Variants in CAB39L observed in about 807,000 individuals in gnomAD.
CAB39L encodes the protein calcium binding protein 39 like.
Under a neutral mutation model 39.1 loss-of-function variants are expected in CAB39L, and 23 were observed. The observed-to-expected ratio is 0.59, with a 90% CI of 0.42 to 0.83. CAB39L has a LOEUF of 0.83. Ranked by LOEUF, CAB39L falls within the 40% of genes least tolerant of loss-of-function variation. The probability of loss-of-function intolerance (pLI) is 0.00; values close to 1 mark genes in which losing one functional copy is unlikely to be tolerated. For missense variants in CAB39L, 366 were observed against 391.9 expected (o/e 0.93, Z 0.56); for synonymous variants, 126 against 137.2 (o/e 0.92, Z 0.57).
chr13:49,333,158 G>A (rs921471891), intron 9 of CAB39L, among the ~76,000 whole-genome samples: 4 of 152,094 alleles, frequency 2.6e-5, no homozygotes, highest in Admixed American at 1.3e-4. Flanking sequence ...TGAAAATAAC[G>A]TTTGTCAAAC....
intron 3 of CAB39L, among the ~76,000 whole-genome samples, chr13:49,409,701 G>A (rs529906608): frequency 2.0e-4 from 30 of 152,212 alleles, no homozygotes; most frequent in Non-Finnish European, 3.7e-4. Context: ...CAGAAAAGCA[G>A]GACTCACCAT....
intron 10 of CAB39L, among the ~76,000 whole-genome samples, chr13:49,317,971 C>CA (rs1179878026): frequency 4.6e-5 from 7 of 152,074 alleles, no homozygotes; most frequent in African/African-American, 1.7e-4. Flanking sequence ...GACATTTCTC[C>CA]AAAAAAGATA....
intron 3 of CAB39L, among the ~76,000 whole-genome samples, chr13:49,427,991 G>C (rs75897100): frequency 0.025 from 3,803 of 152,142 alleles, 61 homozygotes; most frequent in Non-Finnish European, 0.036. Context: ...CCTCCTAAAG[G>C]CCCCATGTCC....
At chr13:49,397,057 T>A (rs1015224502) in intron 3 of CAB39L, among the ~76,000 whole-genome samples, 2 of 152,178 alleles carry the variant, frequency 1.3e-5, no homozygotes, top group Non-Finnish European at 2.9e-5. Context: ...TTACAAAGCA[T>A]ATCATTATAT....
At chr13:49,381,427 A>C (rs1956251258) in intron 4 of CAB39L, among the ~76,000 whole-genome samples, 1 of 152,168 alleles carries the variant, frequency 6.6e-6, no homozygotes, top group African/African-American at 2.4e-5. Flanking sequence ...CCCAGTCAAG[A>C]AACAGGACAT....
At chr13:49,407,513 A>T (rs1428784482) in intron 3 of CAB39L, among the ~76,000 whole-genome samples, 9 of 152,108 alleles carry the variant, frequency 5.9e-5, no homozygotes, top group African/African-American at 2.2e-4. Flanking sequence ...AAACAATGGC[A>T]CAAAACCTGG....
intron 2 of CAB39L, 74 bp downstream of exon 2, chr13:49,434,012 T>C (rs993888011): frequency 2.9e-6 from 1 of 344,274 alleles, no homozygotes; most frequent in East Asian, 8.5e-5. Flanking sequence ...CGACAATTTC[T>C]GTAAAATCTA....
chr13:49,367,091 A>G (rs1955795899), intron 5 of CAB39L, among the ~76,000 whole-genome samples: 1 of 152,112 alleles, frequency 6.6e-6, no homozygotes, highest in Admixed American at 6.5e-5. Context: ...TTACTTTGGA[A>G]AGCTGAAGCA....
intron 7 of CAB39L, among the ~76,000 whole-genome samples, chr13:49,344,888 T>A (rs895638899): frequency 1.4e-4 from 21 of 152,204 alleles, no homozygotes; most frequent in African/African-American, 5.1e-4. Context: ...GTTAATGGGA[T>A]GTAAGGTGTT....
chr13:49,325,842 A>G (rs959198341), intron 10 of CAB39L, among the ~76,000 whole-genome samples: 1 of 152,212 alleles, frequency 6.6e-6, no homozygotes, highest in Non-Finnish European at 1.5e-5. Flanking sequence ...TAAGGAAGTG[A>G]GTAATTCACG....
At chr13:49,363,752 G>A (rs904214620) in intron 5 of CAB39L, among the ~76,000 whole-genome samples, 3 of 151,492 alleles carry the variant, frequency 2.0e-5, no homozygotes, top group African/African-American at 7.3e-5. Context: ...GAGCCCAGGA[G>A]GTCAATGGTT....
At chr13:49,428,207 G>C (rs1376592690) in intron 3 of CAB39L, among the ~76,000 whole-genome samples, 1 of 152,158 alleles carries the variant, frequency 6.6e-6, no homozygotes, top group Non-Finnish European at 1.5e-5. Context: ...GGAGTAGTTA[G>C]CTCAATGGTT....
intron 3 of CAB39L, among the ~76,000 whole-genome samples, chr13:49,417,786 C>T (rs991679830): frequency 6.6e-6 from 1 of 152,044 alleles, no homozygotes; most frequent in African/African-American, 2.4e-5. Context: ...AATTCTTATC[C>T]CATGTTTTCA....
At chr13:49,386,859 C>A (rs1052047170) in intron 3 of CAB39L, among the ~76,000 whole-genome samples, 1 of 151,920 alleles carries the variant, frequency 6.6e-6, no homozygotes, top group African/African-American at 2.4e-5. Context: ...AACACCTCCC[C>A]CACTCCAAGA....
intron 3 of CAB39L, among the ~76,000 whole-genome samples, chr13:49,384,262 C>T (rs1956308802): frequency 6.6e-6 from 1 of 152,216 alleles, no homozygotes; most frequent in Admixed American, 6.5e-5. Flanking sequence ...AGCAACATTC[C>T]TCACCTGTTC....
intron 1 of CAB39L, among the ~76,000 whole-genome samples, chr13:49,439,486 A>C (rs9316453): frequency 0.79 from 120,191 of 152,172 alleles, 48,259 homozygotes; most frequent in African/African-American, 0.93. Context: ...TATGTAACCA[A>C]TCTATCCCTG....
chr13:49,344,631 C>T (rs1955093930), intron 7 of CAB39L, among the ~76,000 whole-genome samples: 1 of 150,948 alleles, frequency 6.6e-6, no homozygotes, highest in Non-Finnish European at 1.5e-5. Flanking sequence ...AAGCGATTCT[C>T]CTGCCTCAGC....
intron 6 of CAB39L, among the ~76,000 whole-genome samples, chr13:49,356,507 A>T (rs9535203): frequency 0.8 from 122,189 of 152,166 alleles, 49,561 homozygotes; most frequent in African/African-American, 0.92. Context: ...CTCCAAATAC[A>T]TTTTACCATG....
chr13:49,378,509 G>A (rs1433324802), intron 4 of CAB39L, among the ~76,000 whole-genome samples: 18 of 61,186 alleles, frequency 2.9e-4, no homozygotes, highest in Non-Finnish European at 3.9e-4. Flanking sequence ...CCCTCAGCCC[G>A]GCCAGCCACC....
Sources: gnomAD v4.1 joint callset for allele counts (sites outside exome capture counted in the v4.1 genomes callset) on GRCh38, gnomAD v4.1.1 for gene constraint, MANE v1.5 for transcripts, NCBI Gene and HGNC (gene_info 2026-07-23, HGNC 2026-07-21) for gene names.